Variants in TMEM132D observed in about 807,000 individuals in gnomAD.
TMEM132D encodes the protein transmembrane protein 132D, also known as mature OL transmembrane protein.
Under a neutral mutation model 62.3 loss-of-function variants are expected in TMEM132D, and 21 were observed. The ratio of observed to expected loss-of-function variants is 0.34; its 90% CI spans 0.24 to 0.49. The LOEUF is 0.49. Ranked by LOEUF, TMEM132D falls within the 20% of genes least tolerant of loss-of-function variation. TMEM132D has a pLI of 0.99. For missense variants in TMEM132D, 1,346 were observed against 1,402.8 expected (o/e 0.96, Z 0.65); for synonymous variants, 621 against 575.6 (o/e 1.08, Z -1.13).
At chr12:129,825,990 G>A (rs58324282) in intron 1 of TMEM132D, among the ~76,000 whole-genome samples, 33,908 of 152,116 alleles carry the variant, frequency 0.22, 3,988 homozygotes, top group Middle Eastern at 0.28. Flanking sequence ...TGAGCTCAGG[G>A]GGCAGAGGCT....
chr12:129,525,835 C>T (rs1331445424), intron 3 of TMEM132D, among the ~76,000 whole-genome samples: 1 of 152,190 alleles, frequency 6.6e-6, no homozygotes, highest in Non-Finnish European at 1.5e-5. Context: ...GATGGTAATA[C>T]ATACAACTGT....
chr12:129,134,170 G>A (rs1352228697), intron 5 of TMEM132D, among the ~76,000 whole-genome samples: 3 of 150,786 alleles, frequency 2.0e-5, no homozygotes, highest in South Asian at 2.1e-4. Flanking sequence ...GTGTGTCTGT[G>A]TGTGTGTGTC....
At chr12:129,893,949 T>C (rs1017337035) in intron 1 of TMEM132D, among the ~76,000 whole-genome samples, 3 of 152,186 alleles carry the variant, frequency 2.0e-5, no homozygotes, top group Non-Finnish European at 4.4e-5. Flanking sequence ...CTACAGAGCT[T>C]ATCCCGAGGC....
At chr12:129,443,568 C>G (rs1873002614) in intron 3 of TMEM132D, among the ~76,000 whole-genome samples, 1 of 152,102 alleles carries the variant, frequency 6.6e-6, no homozygotes, top group African/African-American at 2.4e-5. Flanking sequence ...CCAGTTCTGG[C>G]TCTCCCCCTT....
At chr12:129,877,611 G>GCACACA (rs1190829469) in intron 1 of TMEM132D, among the ~76,000 whole-genome samples, 2 of 94,946 alleles carry the variant, frequency 2.1e-5, no homozygotes, top group African/African-American at 6.3e-5. Flanking sequence ...ACGCGCGCGC[G>GCACACA]CGCACACACA....
chr12:129,114,422 T>TTCCCTCCTTCCTCCC (rs1875824529), intron 5 of TMEM132D, among the ~76,000 whole-genome samples: 2 of 151,486 alleles, frequency 1.3e-5, no homozygotes, highest in African/African-American at 4.9e-5. Context: ...CCTTCCCTCC[T>TTCCCTCCTTCCTCCC]TCCCTCCTTC....
intron 4 of TMEM132D, among the ~76,000 whole-genome samples, chr12:129,248,838 C>T (rs1480330557): frequency 6.6e-6 from 1 of 152,170 alleles, no homozygotes; most frequent in Non-Finnish European, 1.5e-5. Flanking sequence ...AGGATAACGG[C>T]CTCCAGCTCC....
intron 1 of TMEM132D, among the ~76,000 whole-genome samples, chr12:129,841,709 C>T (rs1307940146): frequency 6.6e-6 from 1 of 152,148 alleles, no homozygotes; most frequent in Non-Finnish European, 1.5e-5. Flanking sequence ...AAGGTGAATG[C>T]GTCACTGCTA....
chr12:129,500,366 T>A (rs1875102435), intron 3 of TMEM132D, among the ~76,000 whole-genome samples: 1 of 152,118 alleles, frequency 6.6e-6, no homozygotes, highest in African/African-American at 2.4e-5. Context: ...GGGGAGGCAA[T>A]TCACCTGACC....
chr12:129,375,354 C>T lies in TMEM132D; in HGVS notation c.1116-37537G>A, dbSNP rs527242968. Among the ~76,000 whole-genome samples the T allele has an allele frequency of 2.6e-5, 4 of 152,226 alleles. No homozygotes were observed. The South Asian group carries it at 6.2e-4, about 24-fold the overall frequency. Reference sequence around the variant, plus strand: ...TTGTGTCTACACTGCAGACAAAATTCGTGTTTAGAACAGTGGTTTATGATG... The same window carrying T: ...TTGTGTCTACACTGCAGACAAAATTTGTGTTTAGAACAGTGGTTTATGATG... On this transcript the variant is annotated intron_variant, in intron 3 of 8. Transcript: ENST00000422113.
chr12:129,181,316 TAAAAC>T (rs1274244237), intron 5 of TMEM132D, among the ~76,000 whole-genome samples: 1 of 152,188 alleles, frequency 6.6e-6, no homozygotes, highest in African/African-American at 2.4e-5. Flanking sequence ...CCCAGGCCTC[TAAAAC>T]ACACCTCCTT....
intron 2 of TMEM132D, among the ~76,000 whole-genome samples, chr12:129,620,891 G>A (rs61943556): frequency 0.041 from 6,173 of 152,272 alleles, 173 homozygotes; most frequent in Middle Eastern, 0.085. Context: ...ATACCTAGGC[G>A]ATGGGTTCAT....
intron 2 of TMEM132D, among the ~76,000 whole-genome samples, chr12:129,587,824 G>C (rs1488618720): frequency 6.6e-6 from 1 of 152,118 alleles, no homozygotes; most frequent in East Asian, 1.9e-4. Context: ...TGGCCAGGGG[G>C]TATATTATTC....
chr12:129,802,100 T>C (rs944055529), intron 1 of TMEM132D, among the ~76,000 whole-genome samples: 1 of 150,748 alleles, frequency 6.6e-6, no homozygotes, highest in African/African-American at 2.4e-5. Context: ...TGGAACCAAG[T>C]TGGAAAACAC....
chr12:129,343,444 GA>G lies in TMEM132D; in HGVS notation c.1116-5628del, dbSNP rs533305597. Among the ~76,000 whole-genome samples, 627 of 151,630 alleles carry G rather than the reference GA, an allele frequency of 4.1e-3. 3 individuals are homozygous for G. Among genetic ancestry groups the G allele is most frequent in the African/African-American group, 0.015 (602 of 41,224 alleles). On this transcript the variant is annotated intron_variant, in intron 3 of 8. Coordinates refer to ENST00000422113, the MANE Select transcript of TMEM132D (RefSeq NM_133448.3). ...ACTGTTGTGGGGTGGGGGGATGGGG[GA>G]GGGATAGCATTAGGAGATATACCTA... is the stretch of plus-strand genomic sequence containing the variant.
intron 3 of TMEM132D, among the ~76,000 whole-genome samples, chr12:129,462,573 T>C (rs1873714401): frequency 6.6e-6 from 1 of 152,194 alleles, no homozygotes; most frequent in African/African-American, 2.4e-5. Flanking sequence ...TAACAAACAC[T>C]ATTCACACTA....
chr12:129,122,244 T>C (rs1876088791), intron 5 of TMEM132D, among the ~76,000 whole-genome samples: 1 of 152,202 alleles, frequency 6.6e-6, no homozygotes, highest in African/African-American at 2.4e-5. Flanking sequence ...GAATGTGTAC[T>C]GCTCATCTCT....
chr12:129,660,173 G>C (rs1260837656), intron 2 of TMEM132D, among the ~76,000 whole-genome samples: 3 of 152,136 alleles, frequency 2.0e-5, no homozygotes, highest in Admixed American at 1.3e-4. Flanking sequence ...GAGAGAGAGA[G>C]AGGCTCAAAT....
At chr12:129,628,257 C>A (rs1375963991) in intron 2 of TMEM132D, among the ~76,000 whole-genome samples, 1 of 152,100 alleles carries the variant, frequency 6.6e-6, no homozygotes, top group African/African-American at 2.4e-5. Context: ...TTTCAGAAAA[C>A]CTTGATTAGA....
Sources: allele counts gnomAD v4.1 joint callset (sites outside exome capture counted in the v4.1 genomes callset), GRCh38; gene constraint gnomAD v4.1.1; transcripts MANE v1.5; gene names NCBI Gene and HGNC (gene_info 2026-07-23, HGNC 2026-07-21).